ZBBX: variants seen among roughly 807,000 people sequenced by gnomAD.
ZBBX encodes zinc finger B-box domain containing, also known as zinc finger B-box domain-containing protein 1.
Under a neutral mutation model 108.5 loss-of-function variants are expected in ZBBX, and 101 were observed. That is an observed-to-expected ratio of 0.93 (90% CI 0.79 to 1.10). ZBBX has a LOEUF of 1.10. Ranked by LOEUF, ZBBX falls within the 50% of genes least tolerant of loss-of-function variation. The probability of loss-of-function intolerance (pLI) is 0.00; values close to 1 mark genes in which losing one functional copy is unlikely to be tolerated. For synonymous variants in ZBBX, 356 were observed against 323.4 expected (o/e 1.10, Z -1.08); for missense variants, 1,009 against 941.4 (o/e 1.07, Z -0.94).
At chr3:167,405,036 T>A (rs1206782305) in intron 1 of ZBBX, among the ~76,000 whole-genome samples, 1 of 152,160 alleles carries the variant, frequency 6.6e-6, no homozygotes, top group Admixed American at 6.6e-5. Context: ...CATCTAAAAT[T>A]TTTAAGGGTT....
chr3:167,220,272 G>C, the ZBBX span, among the ~76,000 whole-genome samples: 3 of 151,756 alleles, frequency 2.0e-5, no homozygotes, highest in Non-Finnish European at 4.4e-5. Context: ...ATCAGACGAA[G>C]ACACATCAAA....
At chr3:167,226,396 C>T in the ZBBX span, among the ~76,000 whole-genome samples, 5 of 151,772 alleles carry the variant, frequency 3.3e-5, no homozygotes, top group East Asian at 3.9e-4. Context: ...TGCTGTCCCT[C>T]CCCTTATTAT....
intron 9 of ZBBX, among the ~76,000 whole-genome samples, chr3:167,348,214 GAAGC>G (rs1741838666): frequency 2.2e-5 from 1 of 45,366 alleles, no homozygotes; most frequent in African/African-American, 1.1e-4. Flanking sequence ...AGGAAGGAAG[GAAGC>G]AAGGGAGGGA....
chr3:167,387,289 G>A (rs1052921654), intron 1 of ZBBX, among the ~76,000 whole-genome samples: 6 of 151,978 alleles, frequency 3.9e-5, no homozygotes, highest in Admixed American at 1.3e-4. Flanking sequence ...GAAAAATATA[G>A]GCTAGATGAG....
At chr3:167,295,849 T>A (rs1731614338) in intron 18 of ZBBX, among the ~76,000 whole-genome samples, 1 of 148,178 alleles carries the variant, frequency 6.7e-6, no homozygotes, top group African/African-American at 2.5e-5. Flanking sequence ...GTGAGTTCTA[T>A]CACACATTTG....
the ZBBX span, among the ~76,000 whole-genome samples, chr3:167,214,419 T>G: frequency 1.3e-5 from 2 of 151,974 alleles, no homozygotes; most frequent in Admixed American, 1.3e-4. Context: ...TTGGTAAAGG[T>G]CTCAATTCAA....
chr3:167,205,661 T>C, the ZBBX span, among the ~76,000 whole-genome samples: 1 of 152,192 alleles, frequency 6.6e-6, no homozygotes, highest in Non-Finnish European at 1.5e-5. Context: ...ACGTTCCTAT[T>C]GCATATTTTG....
chr3:167,368,511 C>G lies in ZBBX; in HGVS notation c.132G>C (p.Lys44Asn). Residue 44 changes from lysine to asparagine, a missense_variant, in exon 5 of 22, where the codon AAG (lysine) becomes AAC (asparagine). Lys to Asn is a moderately conservative substitution (Grantham distance 94). Coordinates refer to ENST00000675490, the MANE Select transcript of ZBBX (RefSeq NM_001199201.2). ...TTGTGGATCGGAATTCTTGCAGTTT[C>G]TTCTCCATCTCTTGGTTCTCAAACT... ...QLEFENQEME[K>N]KLQEFRSTRN... 6.2e-7 allele frequency: 1 copy of G among 1,612,384 alleles called. No individual in the cohort carries two copies. Among genetic ancestry groups the G allele is most frequent in the Non-Finnish European group, 8.5e-7 (1 of 1,178,938 alleles).
the ZBBX span, among the ~76,000 whole-genome samples, chr3:167,186,758 TTAAAAAGAAA>T: frequency 6.6e-6 from 1 of 152,228 alleles, no homozygotes; most frequent in Admixed American, 6.5e-5. Flanking sequence ...AGCTGAAGAT[TTAAAAAGAAA>T]TACTCATGTT....
intron 20 of ZBBX, among the ~76,000 whole-genome samples, chr3:167,245,429 C>CTCCTTTTCCTA (rs1721405947): frequency 1.3e-5 from 2 of 152,098 alleles, no homozygotes; most frequent in Non-Finnish European, 2.9e-5. Context: ...TGCACTATGT[C>CTCCTTTTCCTA]TTGTTTATTT....
intron 20 of ZBBX, among the ~76,000 whole-genome samples, chr3:167,260,849 G>A (rs1326210438): frequency 1.3e-5 from 2 of 152,098 alleles, no homozygotes; most frequent in Non-Finnish European, 2.9e-5. Context: ...ATTTCTTCTT[G>A]GCTTGGATCA....
chr3:167,224,054 T>A, the ZBBX span, among the ~76,000 whole-genome samples: 6 of 151,858 alleles, frequency 4.0e-5, no homozygotes, highest in Non-Finnish European at 8.8e-5. Context: ...GGAGGGGACA[T>A]AGCGGGTGGG....
At chr3:167,184,062 TTTAA>T in the ZBBX span, among the ~76,000 whole-genome samples, 22 of 152,354 alleles carry the variant, frequency 1.4e-4, no homozygotes, top group Admixed American at 1.4e-3. Context: ...CAATTCTATG[TTTAA>T]TTGATTATCA....
In ZBBX at chr3:167,245,188, C is replaced by T. The variant is rs574224033; in HGVS notation, c.2255-2545G>A. Among the ~76,000 whole-genome samples, 352 of 152,046 alleles carry T rather than the reference C, an allele frequency of 2.3e-3. 2 individuals are homozygous for T. The highest frequency in any genetic ancestry group is 8.1e-3 in the African/African-American group (338 of 41,492). The stretch of plus-strand genomic sequence containing the variant: ...CAGCACTTTGGGAGGCCGAGGCGGG[C>T]GGATCACGAGGTCAGGAGATCAAGA... On this transcript the variant is annotated intron_variant, in intron 20 of 21. Transcript: ENST00000675490.
At chr3:167,210,387 G>C in the ZBBX span, among the ~76,000 whole-genome samples, 1 of 151,984 alleles carries the variant, frequency 6.6e-6, no homozygotes, top group Admixed American at 6.6e-5. Flanking sequence ...GAATAAAAAA[G>C]AATAAAGCAT....
At chr3:167,366,704 C>T (rs1745374113) in intron 5 of ZBBX, 1 of 379,788 alleles carries the variant, frequency 2.6e-6, no homozygotes, top group African/African-American at 2.1e-5. Context: ...AACAATGTAA[C>T]TATTCTGAAA....
chr3:167,209,696 C>G, the ZBBX span, among the ~76,000 whole-genome samples: 1 of 152,152 alleles, frequency 6.6e-6, no homozygotes, highest in East Asian at 1.9e-4. Context: ...CCACAAGCAT[C>G]AAGACCATCC....
At chr3:167,254,428 AT>A (rs1234931629) in intron 20 of ZBBX, among the ~76,000 whole-genome samples, 1 of 152,322 alleles carries the variant, frequency 6.6e-6, no homozygotes, top group African/African-American at 2.4e-5. Flanking sequence ...CTACCAAAAA[AT>A]GTCAAAGAAA....
upstream of ZBBX, among the ~76,000 whole-genome samples, chr3:167,380,938 G>A (rs946232233): frequency 8.2e-5 from 12 of 145,722 alleles, no homozygotes; most frequent in Non-Finnish European, 1.5e-4. Context: ...CAACTCTTCC[G>A]AACAAAGCTG....
Sources: gnomAD v4.1 joint callset for allele counts (sites outside exome capture counted in the v4.1 genomes callset) on GRCh38, gnomAD v4.1.1 for gene constraint, MANE v1.5 for transcripts, NCBI Gene and HGNC (gene_info 2026-07-23, HGNC 2026-07-21) for gene names.